PDE10A: variants seen among roughly 807,000 people sequenced by gnomAD.
PDE10A encodes the protein phosphodiesterase 10A.
A neutral mutation model predicts 97.7 loss-of-function variants in PDE10A; 39 were observed. The observed-to-expected ratio is 0.40, with a 90% CI of 0.31 to 0.52. The LOEUF is 0.52. Ranked by LOEUF, PDE10A falls within the 20% of genes least tolerant of loss-of-function variation. The pLI is 0.56. For missense variants in PDE10A, 731 were observed against 1,047.8 expected (o/e 0.70, Z 4.17); for synonymous variants, 371 against 376.8 (o/e 0.98, Z 0.18).
At chr6:165,858,228 A>G (rs1780803952) in intron 1 of PDE10A, among the ~76,000 whole-genome samples, 1 of 152,218 alleles carries the variant, frequency 6.6e-6, no homozygotes, top group African/African-American at 2.4e-5. Flanking sequence ...ACATAAAAAG[A>G]CTTACAACAT....
intron 1 of PDE10A, among the ~76,000 whole-genome samples, chr6:165,688,715 C>A (rs1791190822): frequency 6.6e-6 from 1 of 152,108 alleles, no homozygotes; most frequent in African/African-American, 2.4e-5. Flanking sequence ...TTCAGGTGAG[C>A]AAAGAGAAGA....
intron 1 of PDE10A, among the ~76,000 whole-genome samples, chr6:165,687,559 T>C (rs1399398981): frequency 2.0e-5 from 3 of 152,238 alleles, no homozygotes; most frequent in African/African-American, 7.2e-5. Flanking sequence ...TCTCAGTATT[T>C]GGATAGTGTT....
At position 165,819,231 on chromosome 6, in the gene PDE10A, G is replaced by A. The variant is rs563395183; in HGVS notation, c.-615+168298C>T. Among the ~76,000 whole-genome samples the A allele has an allele frequency of 1.3e-5, 2 of 152,252 alleles. No individual in the cohort carries two copies. The highest frequency in any genetic ancestry group is 3.9e-4 in the East Asian group (2 of 5,178). ...ACTTCCAGCATCCTGAGCCCAGTCA[G>A]CACACGTTGGGATGATTTTTGACTC... On this transcript the variant is annotated intron_variant, in intron 1 of 19. Transcript: ENST00000366882. This position sits in a 1 kb window ranked among gnomAD's most constrained non-coding sequence, Gnocchi z 4.2.
intron 1 of PDE10A, among the ~76,000 whole-genome samples, chr6:165,647,851 A>G (rs1420069884): frequency 6.6e-6 from 1 of 151,908 alleles, no homozygotes; most frequent in Non-Finnish European, 1.5e-5. Flanking sequence ...TGAAGGCACT[A>G]TTGCAAACAC....
chr6:165,795,504 T>C (rs1778804335), intron 1 of PDE10A, among the ~76,000 whole-genome samples: 1 of 152,066 alleles, frequency 6.6e-6, no homozygotes, highest in African/African-American at 2.4e-5. Context: ...GGTGGGCAGA[T>C]CACCTGAGGT....
At chr6:165,637,718 C>T (rs745737612) in intron 1 of PDE10A, among the ~76,000 whole-genome samples, 7 of 152,110 alleles carry the variant, frequency 4.6e-5, no homozygotes, top group Non-Finnish European at 2.9e-5. Flanking sequence ...CAGGGGTCAT[C>T]GACCCAGGAC....
chr6:165,653,757 G>A (rs1394980283), intron 1 of PDE10A, among the ~76,000 whole-genome samples: 1 of 152,178 alleles, frequency 6.6e-6, no homozygotes, highest in African/African-American at 2.4e-5. Flanking sequence ...CTAAATATCT[G>A]CATGTCATGG....
At chr6:165,630,457 T>A (rs2128414295) in intron 1 of PDE10A, among the ~76,000 whole-genome samples, 1 of 152,336 alleles carries the variant, frequency 6.6e-6, no homozygotes, top group East Asian at 1.9e-4. Context: ...GCATGGTTAT[T>A]TCAACACTGA....
intron 18 of PDE10A, among the ~76,000 whole-genome samples, chr6:165,375,165 A>G (rs770255815): frequency 1.3e-5 from 2 of 152,220 alleles, no homozygotes; most frequent in East Asian, 1.9e-4. Flanking sequence ...AAAAAAAGTC[A>G]TATGTCTCTC....
rs571569494 is a variant in PDE10A at position 165,382,584 on chromosome 6, A to T, written c.2611-3218T>A. On this transcript the variant is annotated intron_variant, in intron 17 of 21. Transcript: ENST00000539869. ...TTACTTAACCTCCTTGATGCATATTATTCTCATCTGTAAAATGAAAATAAA... is the reference window on the plus strand; with the variant it reads ...TTACTTAACCTCCTTGATGCATATTTTTCTCATCTGTAAAATGAAAATAAA... 2.6e-5 allele frequency among the ~76,000 whole-genome samples: 4 copies of T among 152,306 alleles called. No homozygotes were observed. In the South Asian group the frequency reaches 6.2e-4, roughly 24 times the overall value.
chr6:165,661,452 G>C lies in PDE10A; in HGVS notation c.865+495C>G, dbSNP rs1489426885. On this transcript the variant is annotated intron_variant, in intron 1 of 21. Transcript: ENST00000539869. The surrounding 1 kb of genome is among the most constrained non-coding windows in gnomAD (Gnocchi z 4.8). The stretch of plus-strand genomic sequence containing the variant: ...GGAGAACGGCGGTGCCATCACAGTT[G>C]GAAGCGCGGGGTTCTGAGGCCCTGG... 6.5e-6 allele frequency: 1 copy of C among 152,774 alleles called. No individual in the cohort carries two copies. Among genetic ancestry groups the C allele is most frequent in the Non-Finnish European group, 1.5e-5 (1 of 68,506 alleles). The allele number at this position is 152,774 out of a possible 1,614,324, so 9.5% of individuals were successfully genotyped here.
rs924353381 is a variant in PDE10A, at chr6:165,444,112, G to A, written c.1194+4816C>T. 2.0e-5 allele frequency among the ~76,000 whole-genome samples: 3 copies of A among 152,204 alleles called. No homozygotes were observed. In the East Asian group the frequency reaches 5.8e-4, roughly 29 times the overall value. ...AACACATATGACTGTGCAAGGCTAG[G>A]AGCAGCCAGGCCTCATCTCCATCTG... On this transcript the variant is annotated intron_variant, in intron 5 of 21. Coordinates refer to ENST00000539869, the MANE Select transcript of PDE10A (RefSeq NM_001385079.1).
intron 2 of PDE10A, among the ~76,000 whole-genome samples, chr6:165,497,853 CA>C (rs1366817124): frequency 2.6e-5 from 4 of 152,096 alleles, no homozygotes; most frequent in Non-Finnish European, 5.9e-5. Flanking sequence ...ATGATCATGA[CA>C]GAAGAAACAA....
At chr6:165,799,730 G>A (rs1358448730) in intron 1 of PDE10A, among the ~76,000 whole-genome samples, 2 of 152,132 alleles carry the variant, frequency 1.3e-5, no homozygotes, top group Non-Finnish European at 2.9e-5. Flanking sequence ...TAACAAATAA[G>A]TTCAGTAAAC....
At chr6:165,356,765 A>C (rs1239956749) in intron 18 of PDE10A, among the ~76,000 whole-genome samples, 1 of 152,222 alleles carries the variant, frequency 6.6e-6, no homozygotes, top group African/African-American at 2.4e-5. Context: ...AATGTTGACC[A>C]CATAGCCTGT....
chr6:165,421,065 A>G (rs1469897394), intron 10 of PDE10A, among the ~76,000 whole-genome samples: 3 of 152,248 alleles, frequency 2.0e-5, no homozygotes, highest in Non-Finnish European at 4.4e-5. Context: ...ACTGTCCAGT[A>G]GCATAAAGTC....
In PDE10A at chr6:165,332,952, A is replaced by T; in HGVS notation, c.*73T>A. ...GTGCAGGTTCCCCCCACCCCCCCCAAAAAAAGGAAAAGAATGTCAAAGAAG... is the reference window on the plus strand; with the variant it reads ...GTGCAGGTTCCCCCCACCCCCCCCATAAAAAGGAAAAGAATGTCAAAGAAG... On this transcript the variant is annotated 3_prime_UTR_variant, in exon 22 of 22. Transcript: ENST00000539869. The T allele has an allele frequency of 1.6e-6, 1 of 644,060 alleles. No homozygotes were observed. The highest frequency in any genetic ancestry group is 2.8e-6 in the Non-Finnish European group (1 of 362,394). The allele number at this position is 644,060 out of a possible 1,614,324, so 39.9% of individuals were successfully genotyped here.
intron 1 of PDE10A, among the ~76,000 whole-genome samples, chr6:165,965,499 G>A (rs1335859246): frequency 3.3e-5 from 5 of 152,086 alleles, no homozygotes; most frequent in Non-Finnish European, 4.4e-5. Context: ...AAATGAGGGC[G>A]AGACTGCATT....
intron 1 of PDE10A, among the ~76,000 whole-genome samples, chr6:165,826,594 C>T (rs745364837): frequency 2.6e-5 from 4 of 151,206 alleles, no homozygotes; most frequent in Non-Finnish European, 5.9e-5. Context: ...TATGTACCCA[C>T]AGCCCAGTCC....
Sources: gnomAD v4.1 joint callset for allele counts (sites outside exome capture counted in the v4.1 genomes callset) on GRCh38, gnomAD v4.1.1 for gene constraint, Gnocchi (gnomAD v3.1) non-coding constraint, MANE v1.5 for transcripts, NCBI Gene and HGNC (gene_info 2026-07-23, HGNC 2026-07-21) for gene names.